The following RUSC2 variants were observed in gnomAD, a reference collection of about 807,000 sequenced individuals.
RUSC2 encodes the protein RUN and SH3 domain containing 2.
Under a neutral mutation model 122.2 loss-of-function variants are expected in RUSC2, and 34 were observed. The observed-to-expected ratio is 0.28, with a 90% CI of 0.21 to 0.37. The LOEUF (loss-of-function observed/expected upper bound fraction) is 0.37, where lower values mean the gene tolerates loss of function less well. Ranked by LOEUF, RUSC2 falls within the 10% of genes least tolerant of loss-of-function variation. The probability of loss-of-function intolerance (pLI) is 1.00; values close to 1 mark genes in which losing one functional copy is unlikely to be tolerated. For missense variants in RUSC2, 1,747 were observed against 1,952.4 expected (o/e 0.89, Z 1.98); for synonymous variants, 784 against 790.0 (o/e 0.99, Z 0.13).
intron 1 of RUSC2, among the ~76,000 whole-genome samples, chr9:35,500,782 A>T (rs532727765): frequency 1.1e-4 from 16 of 152,354 alleles, no homozygotes; most frequent in Non-Finnish European, 1.8e-4. Context: ...TTTTATATTT[A>T]TAGCTATAGT....
At position 35,544,361 on chromosome 9, in the gene RUSC2, G is replaced by C. The variant is rs1360207598; in HGVS notation, c.-92-2069G>C. 2.8e-5 allele frequency among the ~76,000 whole-genome samples: 4 copies of C among 145,122 alleles called. No homozygotes were observed. In the East Asian group the frequency reaches 8.1e-4, roughly 29 times the overall value. On this transcript the variant is annotated intron_variant, in intron 1 of 11. Transcript: ENST00000361226. ...TCTCACTCTGTCACCAGGCTGGAGT[G>C]CTGTGGCATGATCTCAGCTCACTGC...
rs962653456 is a variant in RUSC2 at position 35,561,872 on chromosome 9, TAAAA to T, written c.*493_*496del. ...TTTATTTATTTATTATACCTATTAA[TAAAA>T]AAGGTGCTCAGCCTCCAAACCATTT... On this transcript the variant is annotated 3_prime_UTR_variant, in exon 12 of 12. Coordinates refer to ENST00000361226, the MANE Select transcript of RUSC2 (RefSeq NM_014806.5). 1 of 684,044 alleles carries T rather than the reference TAAAA, an allele frequency of 1.5e-6. No individual in the cohort carries two copies. The highest frequency in any genetic ancestry group is 2.6e-6 in the Non-Finnish European group (1 of 385,742). The allele number at this position is 684,044 out of a possible 1,614,324, so 42.4% of individuals were successfully genotyped here. A position where few individuals can be genotyped will look rare whatever the true frequency, so the allele number is the denominator to read the frequency against.
At chr9:35,501,576 CAAAAG>C (rs1258309413) in intron 1 of RUSC2, among the ~76,000 whole-genome samples, 1 of 152,102 alleles carries the variant, frequency 6.6e-6, no homozygotes. Flanking sequence ...GGCTCCATCT[CAAAAG>C]AAATGTCACT....
Position 35,558,652 on chromosome 9 carries a change from C to T in RUSC2, c.3341+85C>T. Reference sequence around the variant, plus strand: ...TCTGCCTGCACCAAGGAAACAACGCCCTGGACAGACAGAAAGGGTGGATCT... The same window carrying T: ...TCTGCCTGCACCAAGGAAACAACGCTCTGGACAGACAGAAAGGGTGGATCT... On this transcript the variant is annotated intron_variant, in intron 8 of 11. Coordinates refer to ENST00000361226, the MANE Select transcript of RUSC2 (RefSeq NM_014806.5). The surrounding 1 kb of genome is among the most constrained non-coding windows in gnomAD (Gnocchi z 4.3). 1 of 1,126,674 alleles carries T rather than the reference C, an allele frequency of 8.9e-7. No homozygotes were observed. Among genetic ancestry groups the T allele is most frequent in the Non-Finnish European group, 1.3e-6 (1 of 743,280 alleles). 69.8% of individuals were successfully genotyped at this position (1,126,674 alleles called of 1,614,324 possible). A position where few individuals can be genotyped will look rare whatever the true frequency, so the allele number is the denominator to read the frequency against.
chr9:35,523,234 T>C (rs945543941), intron 1 of RUSC2, among the ~76,000 whole-genome samples: 7 of 152,202 alleles, frequency 4.6e-5, no homozygotes, highest in African/African-American at 1.7e-4. Flanking sequence ...TTTTATAAAA[T>C]TATAATGTTT....
At chr9:35,554,414 G>T (rs889153085) in intron 2 of RUSC2, among the ~76,000 whole-genome samples, 2 of 152,192 alleles carry the variant, frequency 1.3e-5, no homozygotes, top group Admixed American at 1.3e-4. Flanking sequence ...TGCAAGTAAA[G>T]AAATATCTTA....
At chr9:35,518,354 G>T (rs1181812580) in intron 1 of RUSC2, among the ~76,000 whole-genome samples, 1 of 152,158 alleles carries the variant, frequency 6.6e-6, no homozygotes, top group Admixed American at 6.5e-5. Context: ...TTCCTACCTG[G>T]TGTGTGGTAC....
chr9:35,540,099 C>A (rs1383959895), intron 1 of RUSC2, among the ~76,000 whole-genome samples: 2 of 152,142 alleles, frequency 1.3e-5, no homozygotes, highest in African/African-American at 4.8e-5. Flanking sequence ...CCTAAATTCC[C>A]ATTTCCACAC....
intron 1 of RUSC2, among the ~76,000 whole-genome samples, chr9:35,495,968 A>G (rs1240709054): frequency 1.3e-5 from 2 of 152,100 alleles, no homozygotes; most frequent in East Asian, 1.9e-4. Flanking sequence ...CAGATTGTTC[A>G]TTGTTAGTGT....
intron 1 of RUSC2, among the ~76,000 whole-genome samples, chr9:35,539,716 G>A (rs1367531321): frequency 6.6e-6 from 1 of 152,122 alleles, no homozygotes; most frequent in African/African-American, 2.4e-5. Flanking sequence ...GCAGGGGCAG[G>A]GACAGTCATT....
Position 35,548,535 on chromosome 9 carries a change from G to A in RUSC2, c.2014G>A (p.Gly672Arg), listed in dbSNP as rs1261446315. 1 of 1,607,676 alleles carries A rather than the reference G, an allele frequency of 6.2e-7. No individual in the cohort carries two copies. Among genetic ancestry groups the A allele is most frequent in the Non-Finnish European group, 8.5e-7 (1 of 1,178,018 alleles). The change falls in exon 2 of 12, where the codon GGG becomes AGG. Residue 672 changes from glycine to arginine, a missense_variant and splice_region_variant. Transcript: ENST00000361226. This position sits in a 1 kb window ranked among gnomAD's most constrained non-coding sequence, Gnocchi z 4.5. ...TQRDARARAD[G>R]GGTESRPVLR... ...GAGGGATGCAAGAGCTAGAGCTGAC[G>A]GTAAGGAGCCTAAGGGTTAGCAAAT...
intron 1 of RUSC2, among the ~76,000 whole-genome samples, chr9:35,506,434 T>G (rs1300173853): frequency 6.6e-6 from 1 of 152,238 alleles, no homozygotes; most frequent in Non-Finnish European, 1.5e-5. Flanking sequence ...ATAGGCTTTA[T>G]TTTCCACTAT....
Position 35,534,340 on chromosome 9 carries a change from C to T in RUSC2, c.-92-12090C>T, listed in dbSNP as rs149469870. The stretch of plus-strand genomic sequence containing the variant: ...CTGTAATCCCAGCACTTTGGGAAGC[C>T]GAAGCAGGAGGATCACTTGAGCTCA... On this transcript the variant is annotated intron_variant, in intron 1 of 11. Transcript: ENST00000361226. Among the ~76,000 whole-genome samples the T allele has an allele frequency of 9.8e-3, 1,478 of 151,132 alleles. 22 individuals are homozygous for T. Among genetic ancestry groups the T allele is most frequent in the African/African-American group, 0.034 (1,398 of 41,138 alleles).
chr9:35,549,150 G>A, intron 2 of RUSC2: 2 of 985,404 alleles, frequency 2.0e-6, no homozygotes, highest in Non-Finnish European at 2.4e-6. Flanking sequence ...TGGGAAAGAT[G>A]AGGCCATGGA....
chr9:35,557,934 A>G lies in RUSC2; in HGVS notation c.3004A>G (p.Ile1002Val), dbSNP rs1234611911. Residue 1002 changes from isoleucine (I) to valine (V), a missense_variant, in exon 6 of 12, where the codon ATC becomes GTC. Ile to Val is a conservative substitution (Grantham distance 29, BLOSUM62 3). Transcript: ENST00000361226. This position sits in a 1 kb window ranked among gnomAD's most constrained non-coding sequence, Gnocchi z 4.6. ...QKKGLVKAVN[I>V]AVDLIVAHFG... ...TGCAGGGCTGGTAAAAGCTGTTAAC[A>G]TCGCTGTGGACCTCATTGTGGCTCA... The G allele has an allele frequency of 1.2e-6, 2 of 1,614,170 alleles. No individual in the cohort carries two copies. Among genetic ancestry groups the G allele is most frequent in the Non-Finnish European group, 1.7e-6 (2 of 1,180,032 alleles).
chr9:35,515,423 C>T (rs1821085028), intron 1 of RUSC2, among the ~76,000 whole-genome samples: 1 of 151,702 alleles, frequency 6.6e-6, no homozygotes, highest in Admixed American at 6.6e-5. Context: ...TTTTTTCAAG[C>T]CCACAGCTAA....
chr9:35,556,231 G>A, intron 4 of RUSC2, 77 bp from the exon 5 acceptor site: 1 of 1,598,304 alleles, frequency 6.3e-7, no homozygotes, highest in Non-Finnish European at 8.5e-7. Context: ...ACGTGTCTCA[G>A]ACGGTACGAG....
intron 10 of RUSC2, 23 bp from the exon 11 acceptor site, chr9:35,560,937 C>CTGAG (rs1822146781): frequency 6.2e-7 from 1 of 1,610,554 alleles, no homozygotes; most frequent in Non-Finnish European, 8.5e-7. Flanking sequence ...TGGGCAGAGC[C>CTGAG]TGAGTCCAGC....
intron 2 of RUSC2, among the ~76,000 whole-genome samples, chr9:35,551,803 T>C (rs1198631125): frequency 6.6e-6 from 1 of 152,202 alleles, no homozygotes; most frequent in Non-Finnish European, 1.5e-5. Flanking sequence ...CTCACACCTA[T>C]AATCCCAGCA....
Sources: gnomAD v4.1 joint callset for allele counts (sites outside exome capture counted in the v4.1 genomes callset) on GRCh38, gnomAD v4.1.1 for gene constraint, Gnocchi (gnomAD v3.1) non-coding constraint, MANE v1.5 for transcripts, NCBI Gene and HGNC (gene_info 2026-07-23, HGNC 2026-07-21) for gene names.